Variants in CNTN5 observed in about 807,000 individuals in gnomAD.
CNTN5 encodes the protein contactin-5.
CNTN5 carries 77 observed loss-of-function variants against 129.1 expected under a neutral mutation model. The ratio of observed to expected loss-of-function variants is 0.60; its 90% confidence interval spans 0.50 to 0.72. The LOEUF (loss-of-function observed/expected upper bound fraction) is 0.72. CNTN5 is among the 30% of genes least tolerant of loss of function. The probability of loss-of-function intolerance (pLI) is 0.00; values close to 1 mark genes in which losing one functional copy is unlikely to be tolerated. For missense variants in CNTN5, 1,478 were observed against 1,328.8 expected (o/e 1.11, Z -1.75); for synonymous variants, 509 against 465.6 (o/e 1.09, Z -1.20).
intron 3 of CNTN5, among the ~76,000 whole-genome samples, chr11:99,803,100 C>T (rs956251122): frequency 5.9e-5 from 9 of 152,256 alleles, no homozygotes; most frequent in Admixed American, 5.9e-4. Flanking sequence ...ATAGTGCCCC[C>T]CTGCACCATG....
intron 9 of CNTN5, among the ~76,000 whole-genome samples, chr11:100,038,231 T>G (rs1942147502): frequency 6.6e-6 from 1 of 152,166 alleles, no homozygotes; most frequent in Admixed American, 6.6e-5. Flanking sequence ...ATGTACCCAG[T>G]AGTCATTCAG....
At chr11:99,226,113 G>C (rs928891221) in intron 1 of CNTN5, among the ~76,000 whole-genome samples, 3 of 152,048 alleles carry the variant, frequency 2.0e-5, no homozygotes, top group Non-Finnish European at 2.9e-5. Context: ...AAAAATCATG[G>C]GTAGAATGTC....
chr11:99,177,630 T>A (rs1857842394), intron 1 of CNTN5, among the ~76,000 whole-genome samples: 1 of 152,144 alleles, frequency 6.6e-6, no homozygotes, highest in Admixed American at 6.6e-5. Flanking sequence ...AGTCAGTCAA[T>A]CAGACTGAAG....
chr11:99,617,601 T>C lies in CNTN5; in HGVS notation c.55+61332T>C, dbSNP rs546404966. Among the ~76,000 whole-genome samples the C allele has an allele frequency of 7.8e-4, 119 of 152,324 alleles. 2 individuals carry two copies. In the South Asian group the frequency reaches 0.017, roughly 22 times the overall value. ...CTCAATGACAACTTATGAAACATTT[T>C]AGAACTTGAGATCCCTATAGTTCTA... is the stretch of plus-strand genomic sequence containing the variant. On this transcript the variant is annotated intron_variant, in intron 3 of 24. Coordinates refer to ENST00000524871, the MANE Select transcript of CNTN5 (RefSeq NM_014361.4).
At chr11:100,288,786 C>CA (rs1405987687) in intron 18 of CNTN5, among the ~76,000 whole-genome samples, 2 of 151,830 alleles carry the variant, frequency 1.3e-5, no homozygotes, top group African/African-American at 4.8e-5. Flanking sequence ...AATAGAGACA[C>CA]AAAAAACCCT....
intron 2 of CNTN5, among the ~76,000 whole-genome samples, chr11:99,457,574 T>A (rs1395204828): frequency 6.6e-6 from 1 of 151,838 alleles, no homozygotes; most frequent in South Asian, 2.1e-4. Context: ...ATTTTGTGGA[T>A]GAGACAAAAA....
chr11:99,838,015 C>T (rs1947360402), intron 4 of CNTN5, among the ~76,000 whole-genome samples: 1 of 151,940 alleles, frequency 6.6e-6, no homozygotes, highest in Admixed American at 6.6e-5. Flanking sequence ...ATGTCAATTT[C>T]TATAAGTTAA....
chr11:100,006,814 G>C (rs766589538), intron 9 of CNTN5, among the ~76,000 whole-genome samples: 1 of 152,014 alleles, frequency 6.6e-6, no homozygotes, highest in Non-Finnish European at 1.5e-5. Context: ...AATTTACTTT[G>C]CTCAGATCTA....
At chr11:99,059,599 C>CACAT (rs1864790014) in intron 1 of CNTN5, among the ~76,000 whole-genome samples, 1 of 151,894 alleles carries the variant, frequency 6.6e-6, no homozygotes, top group African/African-American at 2.4e-5. Context: ...CACACACCTT[C>CACAT]TCATTGAAAG....
intron 3 of CNTN5, among the ~76,000 whole-genome samples, chr11:99,788,714 G>T (rs1469187658): frequency 2.0e-5 from 3 of 151,806 alleles, no homozygotes; most frequent in Admixed American, 6.6e-5. Flanking sequence ...ACTAGGAAAT[G>T]TACCTATTAA....
At chr11:99,626,008 G>A (rs570989367) in intron 3 of CNTN5, among the ~76,000 whole-genome samples, 3 of 151,616 alleles carry the variant, frequency 2.0e-5, no homozygotes, top group Non-Finnish European at 2.9e-5. Context: ...ATCAAAGCAG[G>A]GAAATATGTA....
chr11:99,633,740 A>G (rs1951448366), intron 3 of CNTN5, among the ~76,000 whole-genome samples: 1 of 152,206 alleles, frequency 6.6e-6, no homozygotes, highest in African/African-American at 2.4e-5. Flanking sequence ...AAGTGCAGCA[A>G]TATTAGGGTT....
intron 2 of CNTN5, among the ~76,000 whole-genome samples, chr11:99,398,306 AT>A (rs1485251101): frequency 2.6e-5 from 4 of 151,832 alleles, no homozygotes; most frequent in Admixed American, 6.6e-5. Context: ...TCCTGAATTT[AT>A]TCTATACATT....
chr11:99,346,165 G>A (rs372578859), intron 2 of CNTN5, among the ~76,000 whole-genome samples: 35 of 152,122 alleles, frequency 2.3e-4, no homozygotes, highest in African/African-American at 8.2e-4. Context: ...TGTGAATACT[G>A]CCTCTAAATA....
chr11:99,782,675 A>G (rs1283744919), intron 3 of CNTN5, among the ~76,000 whole-genome samples: 1 of 152,170 alleles, frequency 6.6e-6, no homozygotes, highest in East Asian at 2.0e-4. Flanking sequence ...ATAACGCCGC[A>G]TATCCACAAC....
At chr11:99,801,859 C>G (rs1276783219) in intron 3 of CNTN5, among the ~76,000 whole-genome samples, 2 of 152,140 alleles carry the variant, frequency 1.3e-5, no homozygotes, top group African/African-American at 4.8e-5. Context: ...TTTCAACCTT[C>G]TCTTTGGATA....
At chr11:100,110,777 G>C (rs572939655) in intron 13 of CNTN5, among the ~76,000 whole-genome samples, 1 of 152,306 alleles carries the variant, frequency 6.6e-6, no homozygotes, top group Non-Finnish European at 1.5e-5. Flanking sequence ...AGAAGCCACA[G>C]AGTCAGGGGA....
intron 3 of CNTN5, among the ~76,000 whole-genome samples, chr11:99,652,717 C>T (rs1168035202): frequency 1.3e-5 from 2 of 152,026 alleles, no homozygotes; most frequent in East Asian, 3.9e-4. Flanking sequence ...GAAATACTAA[C>T]ATGCTTCAGA....
At chr11:99,968,305 A>G (rs1315143296) in intron 8 of CNTN5, among the ~76,000 whole-genome samples, 1 of 152,186 alleles carries the variant, frequency 6.6e-6, no homozygotes, top group Non-Finnish European at 1.5e-5. Context: ...TGGGGGAAAA[A>G]TGTAGAAAGG....
Sources: allele counts gnomAD v4.1 joint callset (sites outside exome capture counted in the v4.1 genomes callset), GRCh38; gene constraint gnomAD v4.1.1; transcripts MANE v1.5; gene names NCBI Gene and HGNC (gene_info 2026-07-23, HGNC 2026-07-21).